The following FTO variants were observed in gnomAD, a reference collection of about 807,000 sequenced individuals.
FTO encodes the protein FTO alpha-ketoglutarate dependent dioxygenase, also known as alpha-ketoglutarate-dependent dioxygenase FTO.
Under a neutral mutation model 63.9 loss-of-function variants are expected in FTO, and 47 were observed. That is an observed-to-expected ratio of 0.74 (90% CI 0.58 to 0.94). The LOEUF (loss-of-function observed/expected upper bound fraction) is 0.94, where lower values mean the gene tolerates loss of function less well. Ranked by LOEUF, FTO falls within the 40% of genes least tolerant of loss-of-function variation. The pLI is 0.00. For missense variants in FTO, 562 were observed against 618.1 expected (o/e 0.91, Z 0.96); for synonymous variants, 207 against 224.4 (o/e 0.92, Z 0.69).
At chr16:53,877,385 C>T (rs1269150031) in intron 5 of FTO, among the ~76,000 whole-genome samples, 2 of 152,182 alleles carry the variant, frequency 1.3e-5, no homozygotes, top group East Asian at 1.9e-4. Context: ...AGTAATGATG[C>T]ATGCTACAAC....
At chr16:53,941,076 A>G (rs745859858) in intron 8 of FTO, among the ~76,000 whole-genome samples, 27 of 152,236 alleles carry the variant, frequency 1.8e-4, no homozygotes, top group Non-Finnish European at 2.8e-4. Context: ...ATATGGATCA[A>G]CTAGCACACT....
intron 8 of FTO, among the ~76,000 whole-genome samples, chr16:54,085,870 G>A (rs2086244884): frequency 6.6e-6 from 1 of 152,186 alleles, no homozygotes; most frequent in Non-Finnish European, 1.5e-5. Context: ...AAAGGGTCTA[G>A]AGGTACCCTT....
chr16:53,964,561 A>T (rs1039547156), intron 8 of FTO, among the ~76,000 whole-genome samples: 2 of 152,188 alleles, frequency 1.3e-5, no homozygotes, highest in African/African-American at 4.8e-5. Context: ...TCTCTTGTTT[A>T]AGCACATACT....
At chr16:53,895,686 T>C (rs1355041963) in intron 7 of FTO, among the ~76,000 whole-genome samples, 2 of 152,196 alleles carry the variant, frequency 1.3e-5, no homozygotes, top group East Asian at 3.8e-4. Context: ...TTTTAACCCT[T>C]ACATGAGCTG....
At chr16:53,953,703 A>G (rs58439016) in intron 8 of FTO, among the ~76,000 whole-genome samples, 8,975 of 152,218 alleles carry the variant, frequency 0.059, 414 homozygotes, top group African/African-American at 0.13. Flanking sequence ...ACAGCAAACT[A>G]TTAATTTACC....
chr16:53,869,258 A>G (rs1169001831), intron 4 of FTO, among the ~76,000 whole-genome samples: 7 of 151,666 alleles, frequency 4.6e-5, no homozygotes, highest in Admixed American at 4.6e-4. Context: ...TTCTGAGGAA[A>G]CGTCAGATAG....
At chr16:53,960,726 C>T (rs1312194099) in intron 8 of FTO, among the ~76,000 whole-genome samples, 10 of 149,692 alleles carry the variant, frequency 6.7e-5, no homozygotes, top group East Asian at 1.9e-4. Flanking sequence ...GTGGGGGGGG[C>T]GCGGTTACCT....
At chr16:54,006,616 C>G (rs1156786132) in intron 8 of FTO, among the ~76,000 whole-genome samples, 1 of 152,228 alleles carries the variant, frequency 6.6e-6, no homozygotes, top group Admixed American at 6.5e-5. Flanking sequence ...AATGACCCAA[C>G]TGGCCCAATT....
intron 8 of FTO, among the ~76,000 whole-genome samples, chr16:53,956,004 G>GA (rs533126123): frequency 6.6e-5 from 10 of 150,658 alleles, no homozygotes; most frequent in South Asian, 2.1e-4. Flanking sequence ...AATAAAAATT[G>GA]AAAAAAAAAT....
At chr16:53,933,059 T>C (rs1362011632) in intron 7 of FTO, among the ~76,000 whole-genome samples, 1 of 152,160 alleles carries the variant, frequency 6.6e-6, no homozygotes, top group Non-Finnish European at 1.5e-5. Flanking sequence ...ATTTAAGCAA[T>C]AGAAACAACA....
Position 53,798,334 on chromosome 16 carries a change from C to CA in FTO, c.46-11798dup, listed in dbSNP as rs933256007. Among the ~76,000 whole-genome samples, 55 of 151,720 alleles carry CA rather than the reference C, an allele frequency of 3.6e-4. 1 individual carries two copies. The highest frequency in any genetic ancestry group is 2.2e-3 in the Admixed American group (33 of 15,276). On this transcript the variant is annotated intron_variant, in intron 1 of 8. Coordinates refer to ENST00000471389, the MANE Select transcript of FTO (RefSeq NM_001080432.3). ...TTTAGAAATAGAATGTCAATTTTTA[C>CA]AAAAAAAACCTGCAGGGATCTTAGT... is the stretch of plus-strand genomic sequence containing the variant.
At chr16:53,761,465 T>C (rs2077067867) in intron 1 of FTO, among the ~76,000 whole-genome samples, 4 of 152,320 alleles carry the variant, frequency 2.6e-5, no homozygotes, top group Admixed American at 2.6e-4. Flanking sequence ...GTGCATGTTT[T>C]GAATCCACCA....
intron 1 of FTO, among the ~76,000 whole-genome samples, chr16:53,718,798 T>TA (rs1320340272): frequency 6.6e-6 from 1 of 152,210 alleles, no homozygotes; most frequent in Non-Finnish European, 1.5e-5. Context: ...GGATAAAGCC[T>TA]ACTTGGTTAT....
intron 8 of FTO, among the ~76,000 whole-genome samples, chr16:53,944,613 C>T (rs1260979018): frequency 6.6e-6 from 1 of 152,180 alleles, no homozygotes; most frequent in Non-Finnish European, 1.5e-5. Context: ...ACTTCTATAA[C>T]TCCAGGCAAG....
intron 4 of FTO, among the ~76,000 whole-genome samples, chr16:53,850,735 A>G (rs927560905): frequency 6.6e-6 from 1 of 151,762 alleles, no homozygotes; most frequent in Non-Finnish European, 1.5e-5. Context: ...TCTCATTCTG[A>G]CACTCACTTT....
chr16:54,104,703 C>T (rs1304366728), intron 8 of FTO, among the ~76,000 whole-genome samples: 1 of 152,204 alleles, frequency 6.6e-6, no homozygotes, highest in Non-Finnish European at 1.5e-5. Flanking sequence ...CAGACTCCTA[C>T]TCAGCATTTG....
chr16:53,744,231 T>C (rs1487594935), intron 1 of FTO, among the ~76,000 whole-genome samples: 3 of 152,132 alleles, frequency 2.0e-5, no homozygotes, highest in Non-Finnish European at 4.4e-5. Context: ...GAATGGAACA[T>C]TCTTCTTCTT....
intron 1 of FTO, among the ~76,000 whole-genome samples, chr16:53,802,867 A>T (rs2078262732): frequency 6.6e-6 from 1 of 152,134 alleles, no homozygotes; most frequent in African/African-American, 2.4e-5. Flanking sequence ...CCTCTCAGAT[A>T]TTGTGGATTT....
chr16:54,093,162 C>T lies in FTO; in HGVS notation c.1365-18600C>T, dbSNP rs905560678. On this transcript the variant is annotated intron_variant, in intron 8 of 8. Coordinates refer to ENST00000471389, the MANE Select transcript of FTO (RefSeq NM_001080432.3). ...GCAGGCCACTTGCTGATGGCACTTACGCATCCAACCCTGGCCCCGGAACTT... is the reference window on the plus strand; with the variant it reads ...GCAGGCCACTTGCTGATGGCACTTATGCATCCAACCCTGGCCCCGGAACTT... 2.0e-5 allele frequency among the ~76,000 whole-genome samples: 3 copies of T among 152,192 alleles called. No homozygotes were observed. In the South Asian group the frequency reaches 6.2e-4, roughly 32 times the overall value.
Sources: allele counts gnomAD v4.1 joint callset (sites outside exome capture counted in the v4.1 genomes callset), GRCh38; gene constraint gnomAD v4.1.1; transcripts MANE v1.5; gene names NCBI Gene and HGNC (gene_info 2026-07-23, HGNC 2026-07-21).